Variants in USP24 observed in about 807,000 individuals in gnomAD.
USP24 encodes the protein ubiquitin carboxyl-terminal hydrolase 24.
Under a neutral mutation model 361.6 loss-of-function variants are expected in USP24, and 97 were observed. That is an observed-to-expected ratio of 0.27 (90% CI 0.23 to 0.32). USP24 has a LOEUF of 0.32. USP24 is among the 10% of genes least tolerant of loss of function. USP24 has a pLI of 1.00. For synonymous variants in USP24, 1,098 were observed against 1,124.6 expected (o/e 0.98, Z 0.47); for missense variants, 2,353 against 3,165.6 (o/e 0.74, Z 6.16).
intron 8 of USP24, among the ~76,000 whole-genome samples, chr1:55,161,524 CTG>C (rs1648284264): frequency 1.3e-5 from 2 of 152,138 alleles, no homozygotes; most frequent in South Asian, 2.1e-4. Context: ...CAGAAGGACA[CTG>C]TGCTTTCAAA....
At position 55,133,376 on chromosome 1, in the gene USP24, G is replaced by C. The variant is rs150647805; in HGVS notation, c.3382-676C>G. ...ATTTATATTAGCAACTCAGACATAC[G>C]CAATGATCAGATTCAAAGAGGCATC... On this transcript the variant is annotated intron_variant, in intron 30 of 67. Transcript: ENST00000294383. 4.9e-4 allele frequency among the ~76,000 whole-genome samples: 74 copies of C among 152,096 alleles called. 1 individual carries two copies. The highest frequency in any genetic ancestry group is 1.7e-3 in the African/African-American group (70 of 41,496).
Position 55,093,828 on chromosome 1 carries a change from T to C in USP24, c.6354+109A>G, listed in dbSNP as rs574042349. ...TTCATGAGACAAGTGTGTAAGACGATGTAGCCCCAGTGGTACAACTAATCC... is the reference window on the plus strand; with the variant it reads ...TTCATGAGACAAGTGTGTAAGACGACGTAGCCCCAGTGGTACAACTAATCC... On this transcript the variant is annotated intron_variant, in intron 52 of 67. Transcript: ENST00000294383. 1.0e-5 allele frequency: 15 copies of C among 1,453,422 alleles called. No homozygotes were observed. In the East Asian group the frequency reaches 2.8e-4, roughly 28 times the overall value. The allele number at this position is 1,453,422 out of a possible 1,614,324, so 90.0% of individuals were successfully genotyped here.
chr1:55,074,847 C>A (rs575077112), intron 63 of USP24, among the ~76,000 whole-genome samples: 2 of 152,044 alleles, frequency 1.3e-5, no homozygotes, highest in East Asian at 3.9e-4. Flanking sequence ...CAGAAAAAGG[C>A]CCTAAATCTC....
intron 54 of USP24, 127 bp from the exon 55 acceptor site, chr1:55,089,867 G>A: frequency 4.8e-6 from 3 of 624,018 alleles, no homozygotes. Flanking sequence ...CTCGTGGGTA[G>A]AGTGGAGGGA....
At chr1:55,074,787 C>T (rs147559390) in intron 63 of USP24, among the ~76,000 whole-genome samples, 2 of 152,154 alleles carry the variant, frequency 1.3e-5, no homozygotes, top group East Asian at 3.9e-4. Flanking sequence ...AAAGGGTGGC[C>T]TGAAAAGCTG....
At chr1:55,093,847 C>A (rs528152733) in intron 52 of USP24, 90 bp downstream of exon 52, 2 of 1,536,164 alleles carry the variant, frequency 1.3e-6, no homozygotes, top group South Asian at 1.2e-5. Context: ...AGTGGTACAA[C>A]TAATCCAGCA....
chr1:55,210,301 T>TA (rs1403460519), intron 1 of USP24, among the ~76,000 whole-genome samples: 1 of 152,252 alleles, frequency 6.6e-6, no homozygotes, highest in African/African-American at 2.4e-5. Flanking sequence ...GATTCATCTT[T>TA]AATTCCCTAT....
chr1:55,163,146 A>G (rs1648467297), intron 7 of USP24, among the ~76,000 whole-genome samples: 1 of 152,166 alleles, frequency 6.6e-6, no homozygotes, highest in African/African-American at 2.4e-5. Flanking sequence ...TTCTAAATGA[A>G]TTCAAGGACT....
At chr1:55,069,872 C>CAAA (rs11365818) in intron 67 of USP24, among the ~76,000 whole-genome samples, 6 of 35,656 alleles carry the variant, frequency 1.7e-4, no homozygotes, top group South Asian at 2.1e-3. Context: ...CACTCCATCT[C>CAAA]AAAAAAAAAA....
chr1:55,172,390 C>G lies in USP24; in HGVS notation c.689G>C (p.Gly230Ala). 6.2e-7 allele frequency: 1 copy of G among 1,612,150 alleles called. No individual in the cohort carries two copies. Among genetic ancestry groups the G allele is most frequent in the Non-Finnish European group, 8.5e-7 (1 of 1,179,022 alleles). ...KQDPIPTGLL[G>A]VLTMAFNPDN... ...GAGATACTATACCATTGTAAGCACA[C>G]CCAGGAGACCAGTGGGAATTGGATC... The change falls in exon 4 of 68, where the codon GGT (glycine) becomes GCT (alanine). Residue 230 changes from glycine (G) to alanine (A), a missense_variant. Gly to Ala is a moderately conservative substitution (Grantham distance 60). Transcript: ENST00000294383.
chr1:55,072,493 G>A, intron 65 of USP24, 90 bp from the exon 66 acceptor site: 2 of 1,088,838 alleles, frequency 1.8e-6, no homozygotes, highest in South Asian at 3.0e-5. Flanking sequence ...AGTCTTAAAA[G>A]CATCCCAAGT....
At chr1:55,173,512 T>C (rs968092422) in intron 3 of USP24, among the ~76,000 whole-genome samples, 3 of 152,172 alleles carry the variant, frequency 2.0e-5, no homozygotes, top group African/African-American at 7.2e-5. Flanking sequence ...TTCACTTAAA[T>C]TGGTATGGTG....
intron 25 of USP24, 44 bp downstream of exon 25, chr1:55,138,900 T>A (rs1029531278): frequency 2.5e-6 from 4 of 1,583,472 alleles, no homozygotes; most frequent in Non-Finnish European, 3.5e-6. Context: ...ATCGCTTGAG[T>A]CCAGCCTAAG....
chr1:55,073,108 A>G, intron 64 of USP24: 1 of 478,552 alleles, frequency 2.1e-6, no homozygotes. Flanking sequence ...GTTTCAGAAG[A>G]TGAAAAGAGT....
intron 16 of USP24, among the ~76,000 whole-genome samples, chr1:55,150,471 AC>A (rs1278464782): frequency 1.3e-5 from 2 of 152,206 alleles, no homozygotes; most frequent in African/African-American, 4.8e-5. Flanking sequence ...ACTTCTGGCT[AC>A]ACTATAAAAG....
At chr1:55,084,891 C>G (rs577896168) in intron 56 of USP24, among the ~76,000 whole-genome samples, 11 of 152,286 alleles carry the variant, frequency 7.2e-5, no homozygotes, top group Admixed American at 2.0e-4. Flanking sequence ...GACCCCATCT[C>G]TAGGGAGGCT....
At chr1:55,148,328 A>T (rs1328560847) in intron 17 of USP24, 135 bp downstream of exon 17, 16 of 592,980 alleles carry the variant, frequency 2.7e-5, no homozygotes, top group Non-Finnish European at 4.2e-5. Context: ...TAAACTCAAG[A>T]TTATTAGATG....
chr1:55,176,263 T>C, intron 3 of USP24, 113 bp downstream of exon 3: 1 of 782,224 alleles, frequency 1.3e-6, no homozygotes, highest in Non-Finnish European at 2.0e-6. Flanking sequence ...TAAACAAGAT[T>C]CATAAACTGG....
chr1:55,211,142 C>T (rs536394794), intron 1 of USP24, among the ~76,000 whole-genome samples: 3 of 152,264 alleles, frequency 2.0e-5, no homozygotes, highest in Non-Finnish European at 2.9e-5. Context: ...CCAATTGGTA[C>T]GCACTTGGCA....
Sources: gnomAD v4.1 joint callset for allele counts (sites outside exome capture counted in the v4.1 genomes callset) on GRCh38, gnomAD v4.1.1 for gene constraint, MANE v1.5 for transcripts, NCBI Gene and HGNC (gene_info 2026-07-23, HGNC 2026-07-21) for gene names.